The following ASIC2 variants were observed in gnomAD, a reference collection of about 807,000 sequenced individuals.
ASIC2 encodes the protein acid-sensing ion channel 2.
Under a neutral mutation model 57.3 loss-of-function variants are expected in ASIC2, and 25 were observed. The observed-to-expected ratio is 0.44, with a 90% confidence interval of 0.32 to 0.61. ASIC2 has a LOEUF of 0.61. Among genes scored for constraint, ASIC2 ranks in the 20% least tolerant of loss-of-function variants. ASIC2 has a pLI of 0.06. For synonymous variants in ASIC2, 319 were observed against 307.5 expected (o/e 1.04, Z -0.39); for missense variants, 641 against 738.1 (o/e 0.87, Z 1.52).
intron 1 of ASIC2, among the ~76,000 whole-genome samples, chr17:33,662,498 C>T (rs930470409): frequency 2.6e-5 from 4 of 151,622 alleles, no homozygotes; most frequent in African/African-American, 9.7e-5. Context: ...GGGGGGGCAC[C>T]TGTAATCCCA....
At chr17:33,877,636 G>A (rs1026176691) in intron 1 of ASIC2, among the ~76,000 whole-genome samples, 11 of 152,182 alleles carry the variant, frequency 7.2e-5, no homozygotes, top group South Asian at 2.1e-4. Context: ...GGAGCCCACT[G>A]CAGCTCAAGG....
At chr17:33,952,995 A>G (rs923708809) in intron 1 of ASIC2, among the ~76,000 whole-genome samples, 3 of 152,190 alleles carry the variant, frequency 2.0e-5, no homozygotes, top group Non-Finnish European at 2.9e-5. Flanking sequence ...ATGCCTTAAT[A>G]TTTTTTGTAT....
intron 1 of ASIC2, among the ~76,000 whole-genome samples, chr17:33,649,775 G>T (rs1251031776): frequency 2.0e-5 from 3 of 152,164 alleles, no homozygotes; most frequent in African/African-American, 7.2e-5. Flanking sequence ...ATTCAGTAAA[G>T]GAAGGTAAAT....
At position 34,139,780 on chromosome 17, in the gene ASIC2, CA is replaced by C. The variant is rs143013739; in HGVS notation, c.555+16197del. Among the ~76,000 whole-genome samples the C allele has an allele frequency of 8.0e-3, 1,211 of 152,052 alleles. 14 individuals carry two copies. The highest frequency in any genetic ancestry group is 0.028 in the African/African-American group (1,162 of 41,446). On this transcript the variant is annotated intron_variant, in intron 1 of 9. Transcript: ENST00000359872. Reference sequence around the variant, plus strand: ...GGGGGATTGATGGAAATTGGGGAAGCAGGGTGATTGATAATGGGTACGGGGT... The same window carrying C: ...GGGGGATTGATGGAAATTGGGGAAGCGGGTGATTGATAATGGGTACGGGGT...
chr17:33,865,000 G>A (rs1192941137), intron 1 of ASIC2, among the ~76,000 whole-genome samples: 2 of 152,156 alleles, frequency 1.3e-5, no homozygotes, highest in African/African-American at 2.4e-5. Flanking sequence ...GGGGGTTGAG[G>A]GGAGTGGAAT....
At chr17:33,365,683 A>G (rs1908781494) in intron 1 of ASIC2, among the ~76,000 whole-genome samples, 2 of 152,068 alleles carry the variant, frequency 1.3e-5, no homozygotes, top group Admixed American at 1.3e-4. Flanking sequence ...CTTCCTGGCC[A>G]TTAGCTATAT....
At chr17:33,527,362 G>C (rs565963977) in intron 1 of ASIC2, among the ~76,000 whole-genome samples, 1 of 152,306 alleles carries the variant, frequency 6.6e-6, no homozygotes, top group East Asian at 1.9e-4. Context: ...GAAACCAAGT[G>C]ACTCTTACCA....
chr17:33,954,770 G>T (rs905013625), intron 1 of ASIC2, among the ~76,000 whole-genome samples: 7 of 152,162 alleles, frequency 4.6e-5, no homozygotes, highest in African/African-American at 1.7e-4. Context: ...GAGAGGAAAT[G>T]GTTTGCTTTC....
chr17:33,441,133 T>A (rs1461138824), intron 1 of ASIC2, among the ~76,000 whole-genome samples: 2 of 152,088 alleles, frequency 1.3e-5, no homozygotes, highest in Non-Finnish European at 2.9e-5. Flanking sequence ...CATGCCTGGC[T>A]AATTTATTTA....
chr17:33,736,372 A>G (rs913731775), intron 1 of ASIC2, among the ~76,000 whole-genome samples: 2 of 152,156 alleles, frequency 1.3e-5, no homozygotes, highest in Non-Finnish European at 2.9e-5. Context: ...ATATTTTATC[A>G]TGCAGACATT....
intron 3 of ASIC2, among the ~76,000 whole-genome samples, chr17:33,037,581 T>C (rs1204721258): frequency 6.6e-6 from 1 of 152,034 alleles, no homozygotes; most frequent in Non-Finnish European, 1.5e-5. Flanking sequence ...GAGTATTTGT[T>C]TATCCGGGTA....
chr17:33,603,841 G>A (rs1905165600), intron 1 of ASIC2, among the ~76,000 whole-genome samples: 1 of 152,220 alleles, frequency 6.6e-6, no homozygotes, highest in South Asian at 2.1e-4. Context: ...GAGTGGAAGA[G>A]TGCTCAGGGC....
chr17:33,273,498 G>T (rs1232583079), intron 1 of ASIC2, among the ~76,000 whole-genome samples: 1 of 152,120 alleles, frequency 6.6e-6, no homozygotes, highest in African/African-American at 2.4e-5. Flanking sequence ...CTTGTTTATT[G>T]TCCCTCTGCC....
At chr17:33,125,919 G>A (rs938204175) in intron 1 of ASIC2, among the ~76,000 whole-genome samples, 1 of 152,178 alleles carries the variant, frequency 6.6e-6, no homozygotes, top group African/African-American at 2.4e-5. Context: ...GGCAAATGAA[G>A]ACCTAGGGCA....
At chr17:33,350,464 G>A (rs958206801) in intron 1 of ASIC2, among the ~76,000 whole-genome samples, 3 of 152,186 alleles carry the variant, frequency 2.0e-5, no homozygotes, top group African/African-American at 4.8e-5. Context: ...TGGATCATCC[G>A]AGGTCAGGAG....
intron 1 of ASIC2, among the ~76,000 whole-genome samples, chr17:33,884,727 C>T (rs562757294): frequency 6.6e-6 from 1 of 151,818 alleles, no homozygotes; most frequent in African/African-American, 2.4e-5. Flanking sequence ...CATCCCCACA[C>T]CCCCTAAGCT....
chr17:33,408,995 T>G, intron 1 of ASIC2, among the ~76,000 whole-genome samples: 1 of 152,126 alleles, frequency 6.6e-6, no homozygotes, highest in East Asian at 1.9e-4. Flanking sequence ...GGGTGGATCG[T>G]TTGAGCTCAG....
At chr17:33,387,697 C>T (rs1228574489) in intron 1 of ASIC2, among the ~76,000 whole-genome samples, 1 of 152,248 alleles carries the variant, frequency 6.6e-6, no homozygotes, top group African/African-American at 2.4e-5. Flanking sequence ...GGCCATTACC[C>T]TGGCCCGGAA....
rs1172485986 is a variant in ASIC2 at position 33,111,930 on chromosome 17, G to C, written c.846C>G (p.Ile282Met). 7 of 1,612,622 alleles carry C rather than the reference G, an allele frequency of 4.3e-6. No individual in the cohort carries two copies. The East Asian group carries it at 1.3e-4, about 31-fold the overall frequency. Residue 282 changes from isoleucine (I) to methionine (M), a missense_variant, in exon 2 of 10, where the codon ATC becomes ATG. By Grantham distance (10) the Ile-to-Met change is conservative (BLOSUM62 1). Around this residue, in one of 3 missense-constraint regions of ASIC2, gnomAD observed 382 missense variants for 398.0 expected, o/e 0.96. Transcript: ENST00000225823. Reference protein sequence around the residue: ...LDIQQDEYLPIWGETEETTFE... With the variant: ...LDIQQDEYLPMWGETEETTFE... ...TGCCCAGCTCACCTGTCTCTCCCCA[G>C]ATGGGCAGGTACTCATCCTGCTGAA...
Sources: allele counts gnomAD v4.1 joint callset (sites outside exome capture counted in the v4.1 genomes callset), GRCh38; gene constraint gnomAD v4.1.1; regional missense constraint gnomAD v4.1.1; transcripts MANE v1.5; gene names NCBI Gene and HGNC (gene_info 2026-07-23, HGNC 2026-07-21).